The following LIMK2 variants were observed in gnomAD, a reference collection of about 807,000 sequenced individuals.
LIMK2 encodes LIM domain kinase 2.
A neutral mutation model predicts 75.7 loss-of-function variants in LIMK2; 35 were observed. That is an observed-to-expected ratio of 0.46 (90% confidence interval 0.35 to 0.61). The LOEUF is 0.61. Ranked by LOEUF, LIMK2 falls within the 20% of genes least tolerant of loss-of-function variation. The probability of loss-of-function intolerance (pLI) is 0.00; values close to 1 mark genes in which losing one functional copy is unlikely to be tolerated. For synonymous variants in LIMK2, 301 were observed against 319.2 expected, an observed-to-expected ratio of 0.94 and a Z score of 0.61; for missense variants, 623 against 831.0, an observed-to-expected ratio of 0.75 and a Z score of 3.08.
rs199723940 is a variant in LIMK2, at chr22:31,271,180, G to A, written c.1362G>A (p.Ser454=). ...GCATCATCCACCGGGATCTGAACTC[G>A]CACAACTGCCTCATCAAGTTGGTAT... ...SMCIIHRDLN[S]HNCLIKLDKT... The change falls in exon 12 of 16, where the codon TCG becomes TCA. Residue 454 remains serine, a synonymous_variant. Coordinates refer to ENST00000331728, the MANE Select transcript of LIMK2 (RefSeq NM_005569.4). The A allele has an allele frequency of 6.9e-5, 112 of 1,613,934 alleles. 1 individual carries two copies. Among genetic ancestry groups the A allele is most frequent in the Admixed American group, 6.7e-5 (4 of 60,012 alleles).
intron 2 of LIMK2, among the ~76,000 whole-genome samples, chr22:31,236,784 T>C (rs1236149020): frequency 6.8e-6 from 1 of 147,816 alleles, no homozygotes; most frequent in Non-Finnish European, 1.5e-5. Flanking sequence ...CATGGTGGCA[T>C]GCTCCTGTAG....
chr22:31,236,801 C>CA (rs1279830075), intron 2 of LIMK2, among the ~76,000 whole-genome samples: 2 of 151,476 alleles, frequency 1.3e-5, no homozygotes, highest in African/African-American at 2.4e-5. Context: ...GTAGTCCCAG[C>CA]TACTCACTTG....
At chr22:31,246,589 T>G (rs989579336) in intron 2 of LIMK2, among the ~76,000 whole-genome samples, 2 of 151,632 alleles carry the variant, frequency 1.3e-5, no homozygotes, top group Non-Finnish European at 2.9e-5. Flanking sequence ...TGTACCAGGT[T>G]TGAAACTCAG....
At chr22:31,277,018 G>A (rs1455392317) in intron 15 of LIMK2, 2 of 1,613,866 alleles carry the variant, frequency 1.2e-6, no homozygotes, top group South Asian at 1.1e-5. Context: ...GAGTGACGAT[G>A]CCTGGGCTTC....
In LIMK2 at chr22:31,279,712, T is replaced by G. The variant is rs2049067277; in HGVS notation, c.*1271T>G. 6.6e-6 allele frequency: 1 copy of G among 152,154 alleles called. No homozygotes were observed. The highest frequency in any genetic ancestry group is 1.5e-5 in the Non-Finnish European group (1 of 68,028). The allele number at this position is 152,154 out of a possible 1,614,324, so 9.4% of individuals were successfully genotyped here. On this transcript the variant is annotated 3_prime_UTR_variant, in exon 16 of 16. Transcript: ENST00000331728. ...TGAGCTTGCACCATATTTAATAAAT[T>G]GGGAATGGGTTTGGGGTATTAATGC...
chr22:31,220,116 C>G (rs2048421641), intron 1 of LIMK2, among the ~76,000 whole-genome samples: 1 of 152,142 alleles, frequency 6.6e-6, no homozygotes, highest in Non-Finnish European at 1.5e-5. Context: ...GAGAATAGAT[C>G]AATGAATTTT....
intron 2 of LIMK2, among the ~76,000 whole-genome samples, chr22:31,257,040 A>ATTTTTTTTTTTTTTTTTTTTT (rs529919320): frequency 2.7e-5 from 2 of 75,080 alleles, no homozygotes; most frequent in South Asian, 7.3e-4. Flanking sequence ...GGAGCTATAG[A>ATTTTTTTTTTTTTTTTTTTTT]TTTTTTTTTT....
At chr22:31,253,798 G>A (rs1455646808) in intron 2 of LIMK2, among the ~76,000 whole-genome samples, 1 of 152,230 alleles carries the variant, frequency 6.6e-6, no homozygotes, top group East Asian at 1.9e-4. Flanking sequence ...GGGTTGTCAG[G>A]ATTAGAGATA....
At chr22:31,246,179 G>GCACACACACACACA (rs1341395963) in intron 2 of LIMK2, among the ~76,000 whole-genome samples, 838 of 69,730 alleles carry the variant, frequency 0.012, 8 homozygotes, top group South Asian at 0.03. Flanking sequence ...ACACACGCAC[G>GCACACACACACACA]CACGCACACA....
At chr22:31,226,476 C>T (rs4820954) in intron 2 of LIMK2, among the ~76,000 whole-genome samples, 106,493 of 147,460 alleles carry the variant, frequency 0.72, 36,992 homozygotes, top group African/African-American at 0.85. Context: ...GTGCTGGAAT[C>T]ACAGGCGTGA....
chr22:31,274,374 A>G (rs1198443867), intron 14 of LIMK2, among the ~76,000 whole-genome samples: 1 of 151,988 alleles, frequency 6.6e-6, no homozygotes, highest in Non-Finnish European at 1.5e-5. Flanking sequence ...GAGACAAGGG[A>G]TGGTTAGGAT....
At chr22:31,248,426 G>C in intron 2 of LIMK2, 1 of 1,432,230 alleles carries the variant, frequency 7.0e-7, no homozygotes, top group Non-Finnish European at 9.2e-7. Context: ...TGTGTGTGTA[G>C]CCTCCACAGA....
intron 11 of LIMK2, among the ~76,000 whole-genome samples, chr22:31,268,772 G>C (rs923771827): frequency 1.3e-5 from 2 of 152,222 alleles, no homozygotes; most frequent in African/African-American, 4.8e-5. Flanking sequence ...GGATTAACAT[G>C]CATGTGCATG....
chr22:31,229,959 C>G (rs2048512687), intron 2 of LIMK2: 1 of 152,152 alleles, frequency 6.6e-6, no homozygotes, highest in Non-Finnish European at 1.5e-5. Context: ...TCTTTTGGAT[C>G]TCCTGGACAT....
chr22:31,268,011 T>C, intron 10 of LIMK2, 104 bp downstream of exon 10: 1 of 1,542,694 alleles, frequency 6.5e-7, no homozygotes, highest in Non-Finnish European at 8.9e-7. Context: ...CTGCTTTGCC[T>C]CCAAAGGACC....
Position 31,262,201 on chromosome 22 carries a change from A to C in LIMK2, c.619A>C (p.Ile207Leu). Residue 207 changes from isoleucine (I) to leucine (L), a missense_variant, in exon 6 of 16, where the codon ATC becomes CTC. Coordinates refer to ENST00000331728, the MANE Select transcript of LIMK2 (RefSeq NM_005569.4). The surrounding 1 kb of genome is among the most constrained non-coding windows in gnomAD (Gnocchi z 5.0). Reference protein sequence around the residue: ...AIHPGDRILEINGTPVRTLRV... With the variant: ...AIHPGDRILELNGTPVRTLRV... ...CCACCCTGGGGACCGCATCCTGGAG[A>C]TCAATGGGACCCCCGTCCGCACACT... 6 of 1,614,146 alleles carry C rather than the reference A, an allele frequency of 3.7e-6. No homozygotes were observed. In the South Asian group the frequency reaches 6.6e-5, roughly 18 times the overall value.
rs150717376 is a variant in LIMK2, at chr22:31,259,895, G to A, written c.369G>A (p.Lys123=). 119 of 1,605,056 alleles carry A rather than the reference G, an allele frequency of 7.4e-5. No individual in the cohort carries two copies. Among genetic ancestry groups the A allele is most frequent in the African/African-American group, 7.4e-4 (55 of 74,436 alleles). ...CCCTGTGCCCTCTCCCCAGTGGGAA[G>A]TGCCACAATGAGGTGGTGCTGGCAC... The part of the protein sequence containing the change: ...LVQHATLYCG[K]CHNEVVLAPM... Residue 123 remains lysine, a synonymous_variant, in exon 5 of 16, where the codon AAG becomes AAA. Transcript: ENST00000331728.
intron 15 of LIMK2, chr22:31,277,128 C>G: frequency 6.2e-7 from 1 of 1,613,780 alleles, no homozygotes; most frequent in Non-Finnish European, 8.5e-7. Flanking sequence ...TGAGCACACC[C>G]CAGAAGAAGT....
intron 1 of LIMK2, 117 bp from the exon 2 acceptor site, chr22:31,225,603 T>A: frequency 1.4e-6 from 1 of 718,210 alleles, no homozygotes; most frequent in Non-Finnish European, 2.5e-6. Flanking sequence ...TAGCAGAGCA[T>A]TGGCCTAACC....
Sources: allele counts gnomAD v4.1 joint callset (sites outside exome capture counted in the v4.1 genomes callset), GRCh38; gene constraint gnomAD v4.1.1; non-coding constraint Gnocchi (gnomAD v3.1); transcripts MANE v1.5; gene names NCBI Gene and HGNC (gene_info 2026-07-23, HGNC 2026-07-21).